Variants in PCDHGA2 observed in about 807,000 individuals in gnomAD.
PCDHGA2 encodes protocadherin gamma subfamily A, 2, also known as protocadherin gamma-A2.
PCDHGA2 carries 40 observed loss-of-function variants against 59.2 expected under a neutral mutation model. The ratio of observed to expected loss-of-function variants is 0.68; its 90% confidence interval spans 0.52 to 0.88. The LOEUF is 0.88. Among genes scored for constraint, PCDHGA2 ranks in the 40% least tolerant of loss-of-function variants. The probability of loss-of-function intolerance (pLI) is 0.00; values close to 1 mark genes in which losing one functional copy is unlikely to be tolerated. For synonymous variants in PCDHGA2, 560 were observed against 526.0 expected (o/e 1.06, Z -0.89); for missense variants, 1,226 against 1,204.0 (o/e 1.02, Z -0.27).
Position 141,340,345 on chromosome 5 carries a change from C to T in PCDHGA2, c.1374C>T (p.Ser458=). The T allele has an allele frequency of 6.2e-7, 1 of 1,614,204 alleles. No individual in the cohort carries two copies. Among genetic ancestry groups the T allele is most frequent in the Non-Finnish European group, 8.5e-7 (1 of 1,180,050 alleles). The change falls in exon 1 of 4, where the codon TCC becomes TCT. Residue 458 remains serine (S), a synonymous_variant. Coordinates refer to ENST00000394576, the MANE Select transcript of PCDHGA2 (RefSeq NM_018915.4). ...CCGCCTTCTCCCGCACATCCTACTC[C>T]ACCTACATTCCCGAAAACAACCCCA... The part of the protein sequence containing the change: ...NAPAFSRTSY[S]TYIPENNPRG...
chr5:141,442,317 A>T (rs1257883989), intron 1 of PCDHGA2: 2 of 152,400 alleles, frequency 1.3e-5, no homozygotes, highest in Admixed American at 6.5e-5. Context: ...ACGGATGTCT[A>T]TCCCGCGCTA....
intron 1 of PCDHGA2, chr5:141,409,124 G>T: frequency 6.2e-7 from 1 of 1,613,940 alleles, no homozygotes. Context: ...CCAGTCATTT[G>T]ATTTTGAAGA....
chr5:141,413,051 C>T (rs1316813444), intron 1 of PCDHGA2: 1 of 952,822 alleles, frequency 1.0e-6, no homozygotes, highest in African/African-American at 1.7e-5. Context: ...TGCAGGGAAG[C>T]TCACTCCAGA....
At position 141,375,580 on chromosome 5, in the gene PCDHGA2, G is replaced by C; in HGVS notation, c.2424+34185G>C. The C allele has an allele frequency of 1.9e-6, 3 of 1,614,092 alleles. 1 individual carries two copies. The highest frequency in any genetic ancestry group is 2.2e-5 in the South Asian group (2 of 91,078). On this transcript the variant is annotated intron_variant, in intron 1 of 3. Transcript: ENST00000394576. ...TGGCAGAAGACACCCTCCAGGGGGC[G>C]CCCCTGTCCTCCTACGTGTCCATCA...
At chr5:141,427,411 A>C (rs1256606726) in intron 1 of PCDHGA2, 2 of 464,124 alleles carry the variant, frequency 4.3e-6, no homozygotes, top group Admixed American at 2.3e-5. Flanking sequence ...GATTCGAGAG[A>C]AAATGGGGAG....
rs1223541930 is a variant in PCDHGA2 at position 141,345,170 on chromosome 5, T to A, written c.2424+3775T>A. 2.5e-6 allele frequency: 4 copies of A among 1,614,000 alleles called. No homozygotes were observed. The Admixed American group carries it at 6.7e-5, about 27-fold the overall frequency. On this transcript the variant is annotated intron_variant, in intron 1 of 3. Coordinates refer to ENST00000394576, the MANE Select transcript of PCDHGA2 (RefSeq NM_018915.4). ...TGCATGACCGAGATTCTGGGCAGAATGGGCAGGTTGAAGTTTTTGTCCTGG... is the reference window on the plus strand; with the variant it reads ...TGCATGACCGAGATTCTGGGCAGAAAGGGCAGGTTGAAGTTTTTGTCCTGG...
At chr5:141,416,576 A>C (rs1300203182) in intron 1 of PCDHGA2, 2 of 152,204 alleles carry the variant, frequency 1.3e-5, no homozygotes, top group Non-Finnish European at 2.9e-5. Flanking sequence ...TGAAATTGAG[A>C]GGCAAAATAA....
intron 1 of PCDHGA2, chr5:141,371,392 T>A (rs1767716213): frequency 6.2e-7 from 1 of 1,613,846 alleles, no homozygotes; most frequent in African/African-American, 1.3e-5. Flanking sequence ...TATTGTAAAG[T>A]ACAGATAGAT....
chr5:141,428,387 G>A, intron 1 of PCDHGA2: 1 of 505,948 alleles, frequency 2.0e-6, no homozygotes, highest in South Asian at 2.0e-5. Context: ...TGCTCTTCCA[G>A]CCCCTCTGCC....
chr5:141,401,841 CACTT>C (rs1043132396), intron 1 of PCDHGA2, among the ~76,000 whole-genome samples: 6 of 152,114 alleles, frequency 3.9e-5, no homozygotes, highest in Non-Finnish European at 8.8e-5. Flanking sequence ...CTTATAATAC[CACTT>C]ACTTTTAACC....
chr5:141,349,189 C>A (rs989976647), intron 1 of PCDHGA2, among the ~76,000 whole-genome samples: 2 of 152,100 alleles, frequency 1.3e-5, no homozygotes, highest in African/African-American at 4.8e-5. Flanking sequence ...GCTGCCTCAA[C>A]CTCCCGAGTA....
intron 1 of PCDHGA2, chr5:141,409,913 G>A: frequency 6.2e-7 from 1 of 1,613,334 alleles, no homozygotes; most frequent in South Asian, 1.1e-5. Flanking sequence ...GGGTCCTGAC[G>A]GCTCCGCGTT....
Position 141,431,755 on chromosome 5 carries a change from AGTCCT to A in PCDHGA2, c.2425-63050_2425-63046del. On this transcript the variant is annotated intron_variant, in intron 1 of 3. Coordinates refer to ENST00000394576, the MANE Select transcript of PCDHGA2 (RefSeq NM_018915.4). This position sits in a 1 kb window ranked among gnomAD's most constrained non-coding sequence, Gnocchi z 4.8. ...ATGCAGGATATTCTGCGCGAGCCAA[AGTCCT>A]GATCACTGTTCTGGACGTGAACGAC... 6.2e-7 allele frequency: 1 copy of A among 1,614,238 alleles called. No individual in the cohort carries two copies. Among genetic ancestry groups the A allele is most frequent in the Non-Finnish European group, 8.5e-7 (1 of 1,180,048 alleles).
intron 1 of PCDHGA2, chr5:141,405,044 G>A (rs769617162): frequency 6.2e-7 from 1 of 1,613,938 alleles, no homozygotes; most frequent in Admixed American, 1.7e-5. Context: ...TGTGGCTGTG[G>A]CAGTCGTCTC....
intron 1 of PCDHGA2, chr5:141,344,684 T>G (rs1757455170): frequency 2.5e-6 from 4 of 1,613,988 alleles, no homozygotes; most frequent in Non-Finnish European, 3.4e-6. Context: ...CCTCTGATGG[T>G]GGCGACCCTG....
At chr5:141,409,868 A>G in intron 1 of PCDHGA2, 2 of 1,612,688 alleles carry the variant, frequency 1.2e-6, no homozygotes, top group South Asian at 1.1e-5. Context: ...GGGAGACCGC[A>G]ATGACAACGC....
Position 141,393,354 on chromosome 5 carries a change from G to A in PCDHGA2, c.2424+51959G>A, listed in dbSNP as rs781276983. The A allele has an allele frequency of 2.4e-5, 39 of 1,613,824 alleles. No homozygotes were observed. The East Asian group carries it at 4.5e-4, about 18-fold the overall frequency. ...CAGCCCCAATCACCACTTCTCCCTG[G>A]ACGTGCAGACTGGAGACAATGGAGC... On this transcript the variant is annotated intron_variant, in intron 1 of 3. Coordinates refer to ENST00000394576, the MANE Select transcript of PCDHGA2 (RefSeq NM_018915.4).
rs767149198 is a variant in PCDHGA2, at chr5:141,340,249, T to C, written c.1278T>C (p.Asp426=). Residue 426 remains aspartate, a synonymous_variant, in exon 1 of 4, where the codon GAT becomes GAC. Coordinates refer to ENST00000394576, the MANE Select transcript of PCDHGA2 (RefSeq NM_018915.4). The stretch of plus-strand genomic sequence containing the variant: ...ACAACATCACTCTAACCGCTAAAGA[T>C]GGAGGGAACCCCTCCCTGTCCACGG... ...SFYNITLTAK[D]GGNPSLSTDA... 5.6e-6 allele frequency: 9 copies of C among 1,614,182 alleles called. No homozygotes were observed. In the South Asian group the frequency reaches 9.9e-5, roughly 18 times the overall value.
At chr5:141,390,045 T>G in intron 1 of PCDHGA2, 1 of 1,614,076 alleles carries the variant, frequency 6.2e-7, no homozygotes, top group Non-Finnish European at 8.5e-7. Context: ...CAGCCCCGCC[T>G]CCTGGAGCTG....
Sources: allele counts gnomAD v4.1 joint callset (sites outside exome capture counted in the v4.1 genomes callset), GRCh38; gene constraint gnomAD v4.1.1; non-coding constraint Gnocchi (gnomAD v3.1); transcripts MANE v1.5; gene names NCBI Gene and HGNC (gene_info 2026-07-23, HGNC 2026-07-21).